PPP2R2B: variants seen among roughly 807,000 people sequenced by gnomAD.
The protein encoded by PPP2R2B is serine/threonine-protein phosphatase 2A 55 kDa regulatory subunit B beta isoform.
PPP2R2B carries 5 observed loss-of-function variants against 46.0 expected under a neutral mutation model. The ratio of observed to expected loss-of-function variants is 0.11; its 90% CI spans 0.06 to 0.23. PPP2R2B has a LOEUF of 0.23. Among genes scored for constraint, PPP2R2B ranks in the 10% least tolerant of loss-of-function variants. The pLI, the probability that PPP2R2B is intolerant of heterozygous loss-of-function variation, is 1.00. For synonymous variants in PPP2R2B, 215 were observed against 206.7 expected (o/e 1.04, Z -0.34); for missense variants, 367 against 575.0 (o/e 0.64, Z 3.70).
chr5:146,828,053 T>C (rs940138079), intron 2 of PPP2R2B, among the ~76,000 whole-genome samples: 2 of 151,960 alleles, frequency 1.3e-5, no homozygotes, highest in Non-Finnish European at 2.9e-5. Context: ...CAGACAATCA[T>C]GTACGCTTTC....
At chr5:146,724,677 C>T (rs1188094271) in intron 2 of PPP2R2B, among the ~76,000 whole-genome samples, 1 of 152,076 alleles carries the variant, frequency 6.6e-6, no homozygotes, top group African/African-American at 2.4e-5. Flanking sequence ...TCCATCACAT[C>T]CCATTAACAC....
At chr5:147,004,423 G>C (rs1754332175) in intron 1 of PPP2R2B, among the ~76,000 whole-genome samples, 1 of 152,140 alleles carries the variant, frequency 6.6e-6, no homozygotes, top group Admixed American at 6.5e-5. Flanking sequence ...CCAGGAAATT[G>C]ACTTCCTCCT....
Position 146,682,906 on chromosome 5 carries a change from C to T in PPP2R2B, c.447+8222G>A, listed in dbSNP as rs188436631. Among the ~76,000 whole-genome samples, 3 of 152,102 alleles carry T rather than the reference C, an allele frequency of 2.0e-5. No homozygotes were observed. The South Asian group carries it at 6.2e-4, about 32-fold the overall frequency. On this transcript the variant is annotated intron_variant, in intron 5 of 9. Transcript: ENST00000394411. ...TGTCCTCAGACTGATCTATACAGAA[C>T]CTTGAGGCAGGAGGAGACAAGAGGA...
intron 2 of PPP2R2B, among the ~76,000 whole-genome samples, chr5:146,877,524 G>T (rs1473998866): frequency 6.6e-6 from 1 of 152,144 alleles, no homozygotes; most frequent in Non-Finnish European, 1.5e-5. Flanking sequence ...GGTTTTGATT[G>T]TCTAAGCAGG....
exon 1 of PPP2R2B, chr5:147,081,315 C>A (rs776451919): frequency 5.2e-6 from 8 of 1,534,798 alleles, no homozygotes; most frequent in Non-Finnish European, 6.1e-6. Flanking sequence ...GGTCAGTCTG[C>A]AAGTACCACG....
intron 7 of PPP2R2B, among the ~76,000 whole-genome samples, chr5:146,609,919 G>A (rs931500366): frequency 6.9e-6 from 1 of 145,328 alleles, no homozygotes; most frequent in Non-Finnish European, 1.5e-5. Flanking sequence ...CTGGGGGAGG[G>A]GCGCCCGCCA....
At chr5:146,690,773 C>T (rs1215163480) in intron 5 of PPP2R2B, among the ~76,000 whole-genome samples, 2 of 152,222 alleles carry the variant, frequency 1.3e-5, no homozygotes, top group Non-Finnish European at 2.9e-5. Flanking sequence ...TTCTGAATCA[C>T]AAGACTGCAA....
At chr5:147,065,873 G>C (rs144650168) in intron 2 of PPP2R2B, among the ~76,000 whole-genome samples, 2 of 152,094 alleles carry the variant, frequency 1.3e-5, no homozygotes, top group Non-Finnish European at 2.9e-5. Context: ...TGCTGGGTGC[G>C]GGTCCGTGAG....
chr5:147,065,713 TAG>T (rs1455967194), intron 2 of PPP2R2B, among the ~76,000 whole-genome samples: 2 of 152,016 alleles, frequency 1.3e-5, no homozygotes, highest in Non-Finnish European at 2.9e-5. Context: ...GACTTAGTGA[TAG>T]AGTGCATGAG....
At chr5:147,049,292 G>A (rs1407024827) in intron 1 of PPP2R2B, among the ~76,000 whole-genome samples, 1 of 152,084 alleles carries the variant, frequency 6.6e-6, no homozygotes, top group Non-Finnish European at 1.5e-5. Flanking sequence ...AATTGAGGAT[G>A]GCTCCAATGT....
At chr5:146,958,856 C>T (rs532404149) in intron 1 of PPP2R2B, among the ~76,000 whole-genome samples, 8 of 152,282 alleles carry the variant, frequency 5.3e-5, no homozygotes, top group Admixed American at 1.3e-4. Flanking sequence ...AACCTCACAA[C>T]AAACTTATGC....
At chr5:146,727,241 TAA>T (rs1162247872) in intron 2 of PPP2R2B, among the ~76,000 whole-genome samples, 2 of 142,078 alleles carry the variant, frequency 1.4e-5, no homozygotes, top group South Asian at 2.2e-4. Context: ...AACATTTATT[TAA>T]AAAAAAAAAA....
chr5:146,933,301 C>T (rs566762990), intron 1 of PPP2R2B, among the ~76,000 whole-genome samples: 53 of 152,176 alleles, frequency 3.5e-4, no homozygotes, highest in African/African-American at 1.2e-3. Context: ...GCCCAAGTTG[C>T]TCTTTGGTTA....
At chr5:146,824,616 G>C (rs1045476783) in intron 2 of PPP2R2B, among the ~76,000 whole-genome samples, 2 of 152,144 alleles carry the variant, frequency 1.3e-5, no homozygotes, top group Admixed American at 6.6e-5. Context: ...ACACACTGTG[G>C]TAGAGTGGTA....
intron 1 of PPP2R2B, among the ~76,000 whole-genome samples, chr5:146,921,499 G>A (rs1370276480): frequency 5.9e-5 from 9 of 152,154 alleles, no homozygotes; most frequent in African/African-American, 9.7e-5. Flanking sequence ...AGCATTGCTC[G>A]TGTATCTTTC....
At chr5:146,637,350 T>C (rs544238190) in intron 7 of PPP2R2B, among the ~76,000 whole-genome samples, 2 of 152,338 alleles carry the variant, frequency 1.3e-5, no homozygotes, top group South Asian at 4.1e-4. Flanking sequence ...GCTTGGGTTA[T>C]TGGCATCTAG....
chr5:146,987,795 T>C (rs1195197390), intron 1 of PPP2R2B, among the ~76,000 whole-genome samples: 10 of 151,896 alleles, frequency 6.6e-5, no homozygotes, highest in Admixed American at 5.9e-4. Context: ...ACCTTGAATA[T>C]ATATGGACTA....
At chr5:146,933,732 G>A (rs1764044564) in intron 1 of PPP2R2B, among the ~76,000 whole-genome samples, 1 of 148,968 alleles carries the variant, frequency 6.7e-6, no homozygotes. Context: ...TGCACATTGT[G>A]CAGGTTCGTT....
intron 1 of PPP2R2B, among the ~76,000 whole-genome samples, chr5:146,971,901 C>A (rs1752679555): frequency 1.3e-5 from 2 of 152,128 alleles, no homozygotes; most frequent in African/African-American, 4.8e-5. Context: ...CCCCTCTTGG[C>A]AACATCTCAT....
Sources: allele counts gnomAD v4.1 joint callset (sites outside exome capture counted in the v4.1 genomes callset), GRCh38; gene constraint gnomAD v4.1.1; transcripts MANE v1.5; gene names NCBI Gene and HGNC (gene_info 2026-07-23, HGNC 2026-07-21).